CHSY3: variants seen among roughly 807,000 people sequenced by gnomAD.
The protein encoded by CHSY3 is chondroitin sulfate synthase 3.
A neutral mutation model predicts 67.2 loss-of-function variants in CHSY3; 35 were observed. The ratio of observed to expected loss-of-function variants is 0.52; its 90% confidence interval spans 0.40 to 0.69. The LOEUF is 0.69. Among genes scored for constraint, CHSY3 ranks in the 30% least tolerant of loss-of-function variants. CHSY3 has a pLI of 0.00. For synonymous variants in CHSY3, 474 were observed against 434.7 expected (o/e 1.09, Z -1.12); for missense variants, 1,069 against 1,138.5 (o/e 0.94, Z 0.88).
At chr5:130,064,460 T>A (rs2024086) in intron 2 of CHSY3, among the ~76,000 whole-genome samples, 71,925 of 151,958 alleles carry the variant, frequency 0.47, 17,600 homozygotes, top group African/African-American at 0.6. Flanking sequence ...TTGTGTTCGG[T>A]TAAGGAAGGT....
chr5:130,120,131 A>C (rs1293195500), intron 2 of CHSY3, among the ~76,000 whole-genome samples: 1 of 152,222 alleles, frequency 6.6e-6, no homozygotes, highest in Non-Finnish European at 1.5e-5. Flanking sequence ...ACTAAAAAAG[A>C]AAATATAAAC....
intron 2 of CHSY3, among the ~76,000 whole-genome samples, chr5:130,130,174 G>A (rs1195444512): frequency 1.3e-5 from 2 of 152,010 alleles, no homozygotes; most frequent in African/African-American, 4.8e-5. Flanking sequence ...AATTTTTAAA[G>A]GTACTACTGC....
intron 2 of CHSY3, among the ~76,000 whole-genome samples, chr5:129,931,475 T>A (rs563089664): frequency 6.6e-6 from 1 of 152,200 alleles, no homozygotes; most frequent in Admixed American, 6.5e-5. Context: ...ATTTGATCTA[T>A]AGATATTTGA....
At chr5:130,177,082 G>A (rs1479015983) in intron 2 of CHSY3, among the ~76,000 whole-genome samples, 1 of 151,224 alleles carries the variant, frequency 6.6e-6, no homozygotes, top group African/African-American at 2.4e-5. Context: ...ATTTTCTATT[G>A]ACTTAGTTAA....
intron 2 of CHSY3, among the ~76,000 whole-genome samples, chr5:130,111,230 T>A (rs569076709): frequency 9.9e-5 from 15 of 152,230 alleles, no homozygotes; most frequent in Non-Finnish European, 2.1e-4. Flanking sequence ...CTGATTAACA[T>A]TAAATCCTCA....
chr5:129,970,698 A>G (rs182955766), intron 2 of CHSY3, among the ~76,000 whole-genome samples: 21 of 151,926 alleles, frequency 1.4e-4, no homozygotes, highest in Non-Finnish European at 1.2e-4. Context: ...TTTTCTTTGT[A>G]TAACTGCATA....
intron 2 of CHSY3, among the ~76,000 whole-genome samples, chr5:130,102,806 G>A (rs1767289861): frequency 6.6e-6 from 1 of 151,952 alleles, no homozygotes; most frequent in African/African-American, 2.4e-5. Flanking sequence ...GAATCTTCTG[G>A]TCCATGTTAT....
chr5:130,080,760 C>G (rs1323201902), intron 2 of CHSY3, among the ~76,000 whole-genome samples: 2 of 152,042 alleles, frequency 1.3e-5, no homozygotes, highest in Non-Finnish European at 2.9e-5. Flanking sequence ...ATCTTTTAGA[C>G]TCTCTAAGTC....
intron 2 of CHSY3, among the ~76,000 whole-genome samples, chr5:130,156,623 C>T (rs1366939422): frequency 2.6e-5 from 4 of 152,200 alleles, no homozygotes; most frequent in Non-Finnish European, 5.9e-5. Context: ...TGAGCATCAA[C>T]ACCCTTCCAC....
At chr5:130,098,916 C>A (rs1767138387) in intron 2 of CHSY3, among the ~76,000 whole-genome samples, 1 of 152,030 alleles carries the variant, frequency 6.6e-6, no homozygotes, top group Admixed American at 6.5e-5. Flanking sequence ...ATTTTTTTAA[C>A]TGTGTTAGAA....
chr5:130,143,292 G>T (rs1023741977), intron 2 of CHSY3, among the ~76,000 whole-genome samples: 1 of 152,048 alleles, frequency 6.6e-6, no homozygotes, highest in Non-Finnish European at 1.5e-5. Context: ...AGTAGGTTGT[G>T]ATTACAAGAC....
At chr5:129,988,858 G>A (rs913382611) in intron 2 of CHSY3, among the ~76,000 whole-genome samples, 4 of 152,156 alleles carry the variant, frequency 2.6e-5, no homozygotes, top group Non-Finnish European at 5.9e-5. Context: ...ATTTAAAGCT[G>A]AGAAGGACCT....
chr5:130,109,268 C>A (rs1373511760), intron 2 of CHSY3, among the ~76,000 whole-genome samples: 1 of 151,592 alleles, frequency 6.6e-6, no homozygotes, highest in Non-Finnish European at 1.5e-5. Context: ...GTATTAATAT[C>A]ATTTTAAGAG....
At chr5:129,929,193 G>A (rs1761216769) in intron 2 of CHSY3, among the ~76,000 whole-genome samples, 1 of 152,206 alleles carries the variant, frequency 6.6e-6, no homozygotes, top group African/African-American at 2.4e-5. Context: ...ATCCATTTTA[G>A]CATTCTCTCT....
In CHSY3 at chr5:130,161,584, C is replaced by T. The variant is rs986677647; in HGVS notation, c.1087-22645C>T. Among the ~76,000 whole-genome samples, 4 of 152,304 alleles carry T rather than the reference C, an allele frequency of 2.6e-5. No homozygotes were observed. In the East Asian group the frequency reaches 5.8e-4, roughly 22 times the overall value. ...ATATTCTCATTCAGAATTGTGGTTA[C>T]ATTTTGCAATTTATTCAGAGTTTGC... is the stretch of plus-strand genomic sequence containing the variant. On this transcript the variant is annotated intron_variant, in intron 2 of 2. Coordinates refer to ENST00000305031, the MANE Select transcript of CHSY3 (RefSeq NM_175856.5).
At chr5:129,993,673 G>A (rs1422199152) in intron 2 of CHSY3, among the ~76,000 whole-genome samples, 2 of 152,090 alleles carry the variant, frequency 1.3e-5, no homozygotes, top group Non-Finnish European at 1.5e-5. Flanking sequence ...CAATTTGCCA[G>A]TCTGTGTCTT....
At position 129,984,603 on chromosome 5, in the gene CHSY3, T is replaced by A. The variant is rs556719004; in HGVS notation, c.1086+76243T>A. 5.5e-4 allele frequency among the ~76,000 whole-genome samples: 84 copies of A among 152,310 alleles called. 1 individual carries two copies. Among genetic ancestry groups the A allele is most frequent in the African/African-American group, 2.0e-3 (83 of 41,590 alleles). ...TAAGTTCTTTGAGAAATCTCTAAACTGCTTTCCAAAGTGACTGAGCTAATT... is the reference window on the plus strand; with the variant it reads ...TAAGTTCTTTGAGAAATCTCTAAACAGCTTTCCAAAGTGACTGAGCTAATT... On this transcript the variant is annotated intron_variant, in intron 2 of 2. Coordinates refer to ENST00000305031, the MANE Select transcript of CHSY3 (RefSeq NM_175856.5).
intron 2 of CHSY3, among the ~76,000 whole-genome samples, chr5:129,929,014 A>G (rs548441087): frequency 6.6e-6 from 1 of 152,200 alleles, no homozygotes; most frequent in Non-Finnish European, 1.5e-5. Context: ...TCACAATGTT[A>G]CACTGAAATT....
At chr5:130,013,747 G>A (rs1338513005) in intron 2 of CHSY3, among the ~76,000 whole-genome samples, 1 of 152,178 alleles carries the variant, frequency 6.6e-6, no homozygotes, top group African/African-American at 2.4e-5. Context: ...GCAATGGGAG[G>A]GTTGCGATTA....
Sources: gnomAD v4.1 joint callset for allele counts (sites outside exome capture counted in the v4.1 genomes callset) on GRCh38, gnomAD v4.1.1 for gene constraint, MANE v1.5 for transcripts, NCBI Gene and HGNC (gene_info 2026-07-23, HGNC 2026-07-21) for gene names.